The following MBNL3 variants were observed in gnomAD, a reference collection of about 807,000 sequenced individuals.
MBNL3 encodes the protein muscleblind-like protein 3.
A neutral mutation model predicts 24.5 loss-of-function variants in MBNL3; 6 were observed. That is an observed-to-expected ratio of 0.25 (90% CI 0.13 to 0.48). MBNL3 has a LOEUF of 0.48. Among genes scored for constraint, MBNL3 ranks in the 20% least tolerant of loss-of-function variants. The pLI is 0.99. For missense variants in MBNL3, 230 were observed against 293.5 expected, an observed-to-expected ratio of 0.78 and a Z score of 1.58; for synonymous variants, 100 against 101.7, an observed-to-expected ratio of 0.98 and a Z score of 0.10.
chrX:132,416,710 C>T (rs1943333664), intron 2 of MBNL3, among the ~76,000 whole-genome samples: 1 of 111,656 alleles, frequency 9.0e-6, no homozygotes, highest in Admixed American at 9.5e-5. Flanking sequence ...CACAAATATG[C>T]ACAACTGTTA....
rs1444713714 is a variant in MBNL3 at position 132,446,699 on chromosome X, A to G, written c.-703-6385T>C. Among the ~76,000 whole-genome samples the G allele has an allele frequency of 3.6e-5, 4 of 111,947 alleles. No homozygotes were observed. In the East Asian group the frequency reaches 8.4e-4, roughly 23 times the overall value. ...TTGCAAAAATTTTCTCCCATTCTGA[A>G]GGTCGCCTGTTCACTCTGATGAGAG... On this transcript the variant is annotated intron_variant, in intron 1 of 8. Coordinates refer to ENST00000370853, the MANE Select transcript of MBNL3 (RefSeq NM_001386889.1).
At chrX:132,443,932 A>G (rs1020245695) in intron 1 of MBNL3, among the ~76,000 whole-genome samples, 3 of 93,456 alleles carry the variant, frequency 3.2e-5, no homozygotes, top group African/African-American at 1.2e-4. Context: ...AACTTCATGA[A>G]GCTAGCAGGT....
rs1042987045 is a variant in MBNL3, at chrX:132,439,314, T to TA, written c.177+120dup. 7.8e-5 allele frequency: 67 copies of TA among 858,652 alleles called. No homozygotes were observed. In the Admixed American group the frequency reaches 1.2e-3, roughly 16 times the overall value. The allele number at this position is 858,652 out of a possible 1,213,427, so 70.8% of individuals were successfully genotyped here. On this transcript the variant is annotated intron_variant, in intron 2 of 8. Transcript: ENST00000370853. ...CTATCTTGACATTCTGTTTTTTTGT[T>TA]AAAAAAACAAAATTTATCACTTTCA...
At chrX:132,474,953 T>G (rs1249200773) in intron 1 of MBNL3, among the ~76,000 whole-genome samples, 8 of 111,442 alleles carry the variant, frequency 7.2e-5, no homozygotes, top group Non-Finnish European at 1.1e-4. Flanking sequence ...ACTTACATAA[T>G]TCCTGTGGTA....
intron 2 of MBNL3, among the ~76,000 whole-genome samples, chrX:132,427,497 A>G (rs1399361062): frequency 8.9e-6 from 1 of 112,147 alleles, no homozygotes; most frequent in African/African-American, 3.2e-5. Flanking sequence ...TGAAATATTT[A>G]AAACAAGAAC....
At chrX:132,464,367 T>C (rs950541491) in intron 1 of MBNL3, among the ~76,000 whole-genome samples, 1 of 112,278 alleles carries the variant, frequency 8.9e-6, no homozygotes, top group Non-Finnish European at 1.9e-5. Context: ...TCAATGCACC[T>C]GAGAAAATGT....
intron 2 of MBNL3, among the ~76,000 whole-genome samples, chrX:132,425,892 G>A (rs1224458399): frequency 1.8e-5 from 2 of 111,880 alleles, no homozygotes; most frequent in African/African-American, 6.5e-5. Flanking sequence ...ACAGCATTTA[G>A]CCAAATATCA....
At chrX:132,379,704 GA>G in intron 8 of MBNL3, 27 bp from the exon 9 acceptor site, 1 of 1,096,214 alleles carries the variant, frequency 9.1e-7, no homozygotes, top group Admixed American at 2.2e-5. Context: ...AAGAAAGAAA[GA>G]AAGAGTGAGA....
intron 4 of MBNL3, among the ~76,000 whole-genome samples, chrX:132,391,347 T>G (rs1262986611): frequency 1.8e-5 from 2 of 111,870 alleles, no homozygotes; most frequent in Non-Finnish European, 3.8e-5. Context: ...TTTAAAAAAG[T>G]ATTACTGAAA....
intron 2 of MBNL3, chrX:132,413,644 A>G: frequency 9.6e-7 from 1 of 1,046,472 alleles, no homozygotes. Flanking sequence ...TTTGATCCAT[A>G]GCTCCTCCCA....
rs370454060 is a variant in MBNL3, at chrX:132,475,154, T to C, written c.-704+13697A>G. Among the ~76,000 whole-genome samples the C allele has an allele frequency of 2.1e-4, 23 of 111,930 alleles. No individual in the cohort carries two copies. The East Asian group carries it at 6.5e-3, about 31-fold the overall frequency. ...TTAATCCAATTTTGTTCTAGATTTT[T>C]CTACATGGCTTTCACTAGCACTTAA... On this transcript the variant is annotated intron_variant, in intron 1 of 8. Transcript: ENST00000370853.
At chrX:132,383,682 G>T (rs1487200478) in intron 7 of MBNL3, among the ~76,000 whole-genome samples, 1 of 111,916 alleles carries the variant, frequency 8.9e-6, no homozygotes, top group Non-Finnish European at 1.9e-5. Flanking sequence ...CATTCCCAGG[G>T]TTCAGATCTC....
At chrX:132,489,535 C>G (rs765744569), upstream of MBNL3, among the ~76,000 whole-genome samples, 3 of 111,858 alleles carry the variant, frequency 2.7e-5, no homozygotes, top group South Asian at 1.1e-3. Context: ...GGCCAGTGCC[C>G]TCCGCCGGAC....
intron 2 of MBNL3, among the ~76,000 whole-genome samples, chrX:132,413,097 A>G (rs1942951774): frequency 8.9e-6 from 1 of 112,504 alleles, no homozygotes; most frequent in South Asian, 3.7e-4. Flanking sequence ...TCATTAAGAA[A>G]GAACATAAGG....
At chrX:132,403,184 C>A (rs1375650306) in intron 3 of MBNL3, among the ~76,000 whole-genome samples, 1 of 110,933 alleles carries the variant, frequency 9.0e-6, no homozygotes, top group Admixed American at 9.6e-5. Context: ...AATTTTTTTT[C>A]CAAATCAGAC....
chrX:132,483,484 T>G (rs1371827880), intron 1 of MBNL3, among the ~76,000 whole-genome samples: 4 of 112,365 alleles, frequency 3.6e-5, no homozygotes, highest in African/African-American at 6.5e-5. Flanking sequence ...ACATGTCCAG[T>G]TAATATTCTA....
chrX:132,443,241 A>T (rs1040533327), intron 1 of MBNL3, among the ~76,000 whole-genome samples: 1 of 111,935 alleles, frequency 8.9e-6, no homozygotes, highest in Non-Finnish European at 1.9e-5. Context: ...GATGACTGAA[A>T]TGAAGCTCAT....
intron 1 of MBNL3, among the ~76,000 whole-genome samples, chrX:132,462,814 C>T (rs1429442552): frequency 1.8e-5 from 2 of 111,062 alleles, no homozygotes; most frequent in African/African-American, 6.6e-5. Flanking sequence ...CAGTTCTTTC[C>T]TATATAAAAT....
chrX:132,429,425 CAG>C (rs759299563), intron 2 of MBNL3, among the ~76,000 whole-genome samples: 1 of 111,904 alleles, frequency 8.9e-6, no homozygotes, highest in Non-Finnish European at 1.9e-5. Context: ...GACAAGGGAG[CAG>C]AGACAGCTCA....
Sources: allele counts gnomAD v4.1 joint callset (sites outside exome capture counted in the v4.1 genomes callset), GRCh38; gene constraint gnomAD v4.1.1; transcripts MANE v1.5; gene names NCBI Gene and HGNC (gene_info 2026-07-23, HGNC 2026-07-21).